The following PLEKHH1 variants were observed in gnomAD, a reference collection of about 807,000 sequenced individuals.
PLEKHH1 encodes pleckstrin homology, MyTH4 and FERM domain containing H1, also known as pleckstrin homology domain-containing family H member 1.
In PLEKHH1, 104 loss-of-function variants were observed where a neutral mutation model predicts 160.0. That is an observed-to-expected ratio of 0.65 (90% CI 0.55 to 0.76). PLEKHH1 has a LOEUF of 0.76. PLEKHH1 is among the 30% of genes least tolerant of loss of function. The pLI, the probability that PLEKHH1 is intolerant of heterozygous loss-of-function variation, is 0.00. For missense variants in PLEKHH1, 1,427 were observed against 1,724.1 expected (o/e 0.83, Z 3.05); for synonymous variants, 619 against 678.4 (o/e 0.91, Z 1.36).
rs557859708 is a variant in PLEKHH1 at position 67,554,147 on chromosome 14, C to T, written c.127-1678C>T. 1.6e-4 allele frequency among the ~76,000 whole-genome samples: 24 copies of T among 152,316 alleles called. 1 individual carries two copies. In the East Asian group the frequency reaches 4.2e-3, roughly 27 times the overall value. On this transcript the variant is annotated intron_variant, in intron 2 of 28. Transcript: ENST00000329153. ...GAAAAAAATGGATGAGGGAAGGCCA[C>T]CCTGAGCAAAGAGATCCCCCAGGTT...
chr14:67,542,480 T>A (rs1456637987), intron 2 of PLEKHH1, among the ~76,000 whole-genome samples: 2 of 152,170 alleles, frequency 1.3e-5, no homozygotes, highest in Non-Finnish European at 2.9e-5. Context: ...CCTGGGCAAG[T>A]CCCTTCACCT....
intron 2 of PLEKHH1, among the ~76,000 whole-genome samples, chr14:67,553,134 T>G (rs1276574268): frequency 6.6e-6 from 1 of 151,410 alleles, no homozygotes; most frequent in East Asian, 1.9e-4. Context: ...TTCCATCAGA[T>G]GAAGTCAGAA....
At chr14:67,542,846 A>T (rs1311519390) in intron 2 of PLEKHH1, among the ~76,000 whole-genome samples, 1 of 152,102 alleles carries the variant, frequency 6.6e-6, no homozygotes, top group Non-Finnish European at 1.5e-5. Flanking sequence ...GACTACAGGC[A>T]TGCACCACCA....
At chr14:67,545,124 T>C (rs1054606205) in intron 2 of PLEKHH1, among the ~76,000 whole-genome samples, 4 of 152,222 alleles carry the variant, frequency 2.6e-5, no homozygotes, top group Admixed American at 1.3e-4. Context: ...GCAATCAAGC[T>C]CTAGGGTGAT....
intron 10 of PLEKHH1, 76 bp from the exon 11 acceptor site, chr14:67,572,059 A>G: frequency 6.6e-7 from 1 of 1,521,730 alleles, no homozygotes; most frequent in South Asian, 1.3e-5. Context: ...GTGGGTGGTC[A>G]AGTCTCAGCA....
intron 26 of PLEKHH1, chr14:67,585,364 C>T: frequency 1.1e-5 from 6 of 552,426 alleles, no homozygotes; most frequent in Non-Finnish European, 3.2e-6. Flanking sequence ...GTGGCCAGAG[C>T]CCCAAGGCCA....
At chr14:67,577,063 C>T (rs1190392775) in intron 17 of PLEKHH1, among the ~76,000 whole-genome samples, 1 of 152,210 alleles carries the variant, frequency 6.6e-6, no homozygotes, top group African/African-American at 2.4e-5. Context: ...CAGACACCCA[C>T]AACCTTGCAC....
chr14:67,569,623 T>C (rs1270454151), intron 8 of PLEKHH1: 2 of 478,068 alleles, frequency 4.2e-6, no homozygotes, highest in Non-Finnish European at 7.6e-6. Context: ...GGTGGTCCCA[T>C]AGCCGTATGA....
intron 2 of PLEKHH1, among the ~76,000 whole-genome samples, chr14:67,545,519 G>A (rs1283719721): frequency 6.6e-6 from 1 of 152,080 alleles, no homozygotes; most frequent in Non-Finnish European, 1.5e-5. Flanking sequence ...TACAGATAGG[G>A]ACAAGAAAAT....
rs199704283 is a variant in PLEKHH1 at position 67,581,028 on chromosome 14, T to G, written c.3274T>G (p.Tyr1092Asp). 2.7e-5 allele frequency: 43 copies of G among 1,607,790 alleles called. No individual in the cohort carries two copies. Among genetic ancestry groups the G allele is most frequent in the Non-Finnish European group, 2.6e-6 (3 of 1,174,426 alleles). Residue 1092 changes from tyrosine (Y) to aspartate (D), a missense_variant, in exon 23 of 29, where the codon TAC becomes GAC. Around this residue, in one of 6 missense-constraint regions of PLEKHH1, gnomAD observed 436 missense variants for 607.5 expected, o/e 0.72. Coordinates refer to ENST00000329153, the MANE Select transcript of PLEKHH1 (RefSeq NM_020715.3). ...EGGTRVVKLM[Y>D]KNRLYFRSQV... ...TGGGACACGCGTCGTGAAGCTGATG[T>G]ACAAGAACAGGTCCTAAGCACTGCA...
At chr14:67,548,882 T>C (rs1189412452) in intron 2 of PLEKHH1, among the ~76,000 whole-genome samples, 1 of 152,174 alleles carries the variant, frequency 6.6e-6, no homozygotes, top group Non-Finnish European at 1.5e-5. Context: ...TTGATCTACC[T>C]ACCAAAAATT....
rs1158165546 is a variant in PLEKHH1 at position 67,576,097 on chromosome 14, A to G, written c.2352+92A>G. ...TTCTCCTGAGCTTCCCAAAATTCAA[A>G]TTTATTTCCTTTTGGACACTTTGGC... On this transcript the variant is annotated intron_variant, in intron 16 of 28. Coordinates refer to ENST00000329153, the MANE Select transcript of PLEKHH1 (RefSeq NM_020715.3). The surrounding 1 kb of genome is among the most constrained non-coding windows in gnomAD (Gnocchi z 4.0). 1 of 1,039,300 alleles carries G rather than the reference A, an allele frequency of 9.6e-7. No homozygotes were observed. The highest frequency in any genetic ancestry group is 1.4e-6 in the Non-Finnish European group (1 of 706,502). The allele number at this position is 1,039,300 out of a possible 1,614,324, so 64.4% of individuals were successfully genotyped here.
intron 9 of PLEKHH1, 56 bp from the exon 10 acceptor site, chr14:67,571,696 T>TG: frequency 6.3e-7 from 1 of 1,578,634 alleles, no homozygotes; most frequent in Non-Finnish European, 8.7e-7. Context: ...GCTGCAGGGT[T>TG]GGGAGAGGAC....
chr14:67,539,012 ACT>A (rs2033858915), intron 1 of PLEKHH1, among the ~76,000 whole-genome samples: 1 of 151,340 alleles, frequency 6.6e-6, no homozygotes, highest in Admixed American at 6.6e-5. Flanking sequence ...TATTAATCAA[ACT>A]CTTTCAACTA....
intron 28 of PLEKHH1, 136 bp from the exon 29 acceptor site, chr14:67,586,938 A>G (rs1475862586): frequency 3.2e-6 from 5 of 1,543,312 alleles, no homozygotes; most frequent in East Asian, 4.9e-5. Flanking sequence ...CCCTTTGGAT[A>G]TTTTCTCCCA....
chr14:67,570,158 T>C, intron 9 of PLEKHH1, 146 bp downstream of exon 9: 1 of 711,648 alleles, frequency 1.4e-6, no homozygotes, highest in Non-Finnish European at 2.3e-6. Flanking sequence ...TGTCATTTTG[T>C]TTTATTGTTT....
rs538071531 is a variant in PLEKHH1 at position 67,553,801 on chromosome 14, T to C, written c.127-2024T>C. Among the ~76,000 whole-genome samples the C allele has an allele frequency of 4.9e-4, 75 of 152,366 alleles. 2 individuals carry two copies. In the South Asian group the frequency reaches 0.015, roughly 31 times the overall value. ...ACTCCTCTGGGACAGGCCTGAGGAC[T>C]GTTTGACTTAGGACAGTCCATCTGG... On this transcript the variant is annotated intron_variant, in intron 2 of 28. Transcript: ENST00000329153.
intron 7 of PLEKHH1, among the ~76,000 whole-genome samples, chr14:67,563,777 A>C (rs1315798180): frequency 7.4e-6 from 1 of 135,112 alleles, no homozygotes; most frequent in Non-Finnish European, 1.5e-5. Context: ...TCTGTCACCC[A>C]GGCTGAAGTG....
rs573848643 is a variant in PLEKHH1 at position 67,571,888 on chromosome 14, G to A, written c.1571G>A (p.Arg524Gln). 2.3e-5 allele frequency: 37 copies of A among 1,610,228 alleles called. No homozygotes were observed. The South Asian group carries it at 2.5e-4, about 11-fold the overall frequency. Reference protein sequence around the residue: ...SRKTSGLGSPRAIKRGVSMSS... With the variant: ...SRKTSGLGSPQAIKRGVSMSS... ...AAGACCAGCGGACTAGGCAGCCCCCGGGCCATCAAGAGAGGTACAGAGAAG... is the reference window on the plus strand; with the variant it reads ...AAGACCAGCGGACTAGGCAGCCCCCAGGCCATCAAGAGAGGTACAGAGAAG... Residue 524 changes from arginine (R) to glutamine (Q), a missense_variant, in exon 10 of 29, where the codon CGG becomes CAG. By Grantham distance (43) the Arg-to-Gln change is conservative (BLOSUM62 1). Coordinates refer to ENST00000329153, the MANE Select transcript of PLEKHH1 (RefSeq NM_020715.3).
Sources: allele counts gnomAD v4.1 joint callset (sites outside exome capture counted in the v4.1 genomes callset), GRCh38; gene constraint gnomAD v4.1.1; regional missense constraint gnomAD v4.1.1; non-coding constraint Gnocchi (gnomAD v3.1); transcripts MANE v1.5; gene names NCBI Gene and HGNC (gene_info 2026-07-23, HGNC 2026-07-21).